The following CCNY variants were observed in gnomAD, a reference collection of about 807,000 sequenced individuals.
CCNY encodes the protein cyclin-Y.
A neutral mutation model predicts 42.8 loss-of-function variants in CCNY; 19 were observed. The ratio of observed to expected loss-of-function variants is 0.44; its 90% CI spans 0.31 to 0.65. The LOEUF is 0.65. Among genes scored for constraint, CCNY ranks in the 30% least tolerant of loss-of-function variants. CCNY has a pLI of 0.07. For missense variants in CCNY, 370 were observed against 437.3 expected, an observed-to-expected ratio of 0.85 and a Z score of 1.37; for synonymous variants, 165 against 162.7, an observed-to-expected ratio of 1.01 and a Z score of -0.11.
intron 1 of CCNY, chr10:35,394,726 GTTTGT>G: frequency 2.8e-6 from 1 of 362,186 alleles, no homozygotes; most frequent in Non-Finnish European, 3.8e-6. Flanking sequence ...CAAGATTTTT[GTTTGT>G]TTTGTTTTTA....
At chr10:35,255,940 C>G (rs1460982258) in intron 3 of CCNY, among the ~76,000 whole-genome samples, 1 of 152,104 alleles carries the variant, frequency 6.6e-6, no homozygotes, top group African/African-American at 2.4e-5. Context: ...TTTTATTAAT[C>G]TATAATGTCT....
At chr10:35,368,860 G>T (rs1380422573) in intron 1 of CCNY, among the ~76,000 whole-genome samples, 1 of 152,192 alleles carries the variant, frequency 6.6e-6, no homozygotes, top group African/African-American at 2.4e-5. Flanking sequence ...GGTGCTCGGA[G>T]GTACCAGAGG....
chr10:35,349,695 G>T (rs113678546), intron 1 of CCNY, among the ~76,000 whole-genome samples: 3 of 152,122 alleles, frequency 2.0e-5, no homozygotes, highest in Admixed American at 2.0e-4. Flanking sequence ...TTGACATTAG[G>T]GGGGGCTGCC....
intron 3 of CCNY, chr10:35,501,750 A>G (rs541594031): frequency 4.8e-5 from 24 of 499,578 alleles, no homozygotes; most frequent in East Asian, 4.5e-4. Flanking sequence ...CTAGACCACT[A>G]TTGTTCATGA....
intron 3 of CCNY, chr10:35,314,563 A>T (rs1477937035): frequency 2.6e-5 from 4 of 152,114 alleles, no homozygotes; most frequent in Non-Finnish European, 1.5e-5. Flanking sequence ...ATTTATTAAA[A>T]TTTTTTTATT....
At chr10:35,512,984 T>G (rs1840353550) in intron 3 of CCNY, among the ~76,000 whole-genome samples, 1 of 152,210 alleles carries the variant, frequency 6.6e-6, no homozygotes, top group Admixed American at 6.5e-5. Context: ...TATCTTTGTA[T>G]CTGACAGACA....
At chr10:35,418,611 G>C (rs1838078206) in intron 1 of CCNY, among the ~76,000 whole-genome samples, 1 of 152,094 alleles carries the variant, frequency 6.6e-6, no homozygotes, top group South Asian at 2.1e-4. Context: ...CTGAGAATAT[G>C]CCTCCGTTGC....
intron 1 of CCNY, among the ~76,000 whole-genome samples, chr10:35,415,358 A>G (rs1033694227): frequency 6.6e-6 from 1 of 151,576 alleles, no homozygotes; most frequent in Admixed American, 6.6e-5. Context: ...TAGGCCTTGG[A>G]TAGATGGAGC....
intron 1 of CCNY, among the ~76,000 whole-genome samples, chr10:35,349,345 C>G (rs974811033): frequency 1.1e-4 from 16 of 152,204 alleles, no homozygotes; most frequent in African/African-American, 3.6e-4. Flanking sequence ...CAACCTCAGA[C>G]TACATCTGTG....
intron 8 of CCNY, among the ~76,000 whole-genome samples, chr10:35,560,128 AC>A (rs1394972035): frequency 6.6e-6 from 1 of 152,060 alleles, no homozygotes; most frequent in African/African-American, 2.4e-5. Context: ...CTCAATCTTC[AC>A]CCATACCTGA....
chr10:35,297,210 A>T (rs753492249), intron 3 of CCNY, among the ~76,000 whole-genome samples: 1 of 152,192 alleles, frequency 6.6e-6, no homozygotes, highest in Admixed American at 6.5e-5. Context: ...AACACACGGA[A>T]ATCAATAAAT....
At chr10:35,560,732 C>T (rs1287005540) in intron 8 of CCNY, among the ~76,000 whole-genome samples, 1 of 152,196 alleles carries the variant, frequency 6.6e-6, no homozygotes, top group East Asian at 1.9e-4. Flanking sequence ...GAGCTAGAGG[C>T]TCCAAGTGAT....
In CCNY at chr10:35,530,527, G is replaced by A. The variant is rs986107646; in HGVS notation, c.579+284G>A. Among the ~76,000 whole-genome samples the A allele has an allele frequency of 6.6e-6, 1 of 152,190 alleles. No homozygotes were observed. The highest frequency in any genetic ancestry group is 6.5e-5 in the Admixed American group (1 of 15,278). On this transcript the variant is annotated intron_variant, in intron 7 of 9. Transcript: ENST00000374704. The surrounding 1 kb of genome is among the most constrained non-coding windows in gnomAD (Gnocchi z 4.3). ...AAAATGCAGGTAAGTAAAACAGTAG[G>A]GCTAAGAGAGTGGTTATATGGCCAA...
chr10:35,352,619 G>A (rs1014562299), intron 1 of CCNY, among the ~76,000 whole-genome samples: 1 of 152,222 alleles, frequency 6.6e-6, no homozygotes, highest in Non-Finnish European at 1.5e-5. Flanking sequence ...CTCCCTGCTG[G>A]ATGCTGGGAA....
chr10:35,259,672 G>GTTTTT (rs1202854456), intron 3 of CCNY, among the ~76,000 whole-genome samples: 4 of 86,336 alleles, frequency 4.6e-5, no homozygotes, highest in Non-Finnish European at 6.3e-5. Flanking sequence ...CTGGCTAATT[G>GTTTTT]TTTTTTTTTT....
At position 35,327,229 on chromosome 10, in the gene CCNY, A is replaced by G. The variant is rs1835890497; in HGVS notation, c.-9+76603A>G. 2.6e-5 allele frequency among the ~76,000 whole-genome samples: 4 copies of G among 152,366 alleles called. No homozygotes were observed. The South Asian group carries it at 8.3e-4, about 32-fold the overall frequency. The stretch of plus-strand genomic sequence containing the variant: ...TAAGTTAATCACTGTTTAACAGTGA[A>G]TATCCCTAAAAACATCTCTTTGCAT... On this transcript the variant is annotated intron_variant, in intron 3 of 11. Coordinates refer to the CCNY transcript ENST00000374706.
intron 3 of CCNY, among the ~76,000 whole-genome samples, chr10:35,512,625 A>G (rs933982139): frequency 6.6e-6 from 1 of 152,176 alleles, no homozygotes; most frequent in Non-Finnish European, 1.5e-5. Context: ...TCAGAAAGAC[A>G]TTTTGAAGAA....
chr10:35,514,198 A>G (rs562046947), intron 3 of CCNY, among the ~76,000 whole-genome samples: 8 of 152,136 alleles, frequency 5.3e-5, no homozygotes, highest in African/African-American at 1.4e-4. Flanking sequence ...TTCACATTCT[A>G]TGAGTCTTGT....
chr10:35,421,125 C>T (rs1400571076), intron 1 of CCNY, among the ~76,000 whole-genome samples: 1 of 152,022 alleles, frequency 6.6e-6, no homozygotes, highest in Non-Finnish European at 1.5e-5. Context: ...GTTCAAAGGA[C>T]CTGGCTGAGG....
Sources: gnomAD v4.1 joint callset for allele counts (sites outside exome capture counted in the v4.1 genomes callset) on GRCh38, gnomAD v4.1.1 for gene constraint, Gnocchi (gnomAD v3.1) non-coding constraint, MANE v1.5 for transcripts, NCBI Gene and HGNC (gene_info 2026-07-23, HGNC 2026-07-21) for gene names.